GLI3: variants seen among roughly 807,000 people sequenced by gnomAD.
GLI3 encodes transcription activator GLI3.
A neutral mutation model predicts 100.8 loss-of-function variants in GLI3; 20 were observed. The observed-to-expected ratio is 0.20, with a 90% CI of 0.14 to 0.29. GLI3 has a LOEUF of 0.29. GLI3 is among the 10% of genes least tolerant of loss of function. GLI3 has a pLI of 1.00. For missense variants in GLI3, 2,040 were observed against 2,128.5 expected, an observed-to-expected ratio of 0.96 and a Z score of 0.82; for synonymous variants, 938 against 860.5, an observed-to-expected ratio of 1.09 and a Z score of -1.58.
chr7:42,256,305 CTT>C (rs375129522), intron 1 of GLI3, among the ~76,000 whole-genome samples: 100 of 146,646 alleles, frequency 6.8e-4, no homozygotes, highest in African/African-American at 2.4e-3. Flanking sequence ...AATTTATCAG[CTT>C]TTTTTTTTAA....
intron 4 of GLI3, among the ~76,000 whole-genome samples, chr7:42,055,070 C>CAT (rs1562706205): frequency 7.3e-6 from 1 of 136,632 alleles, no homozygotes; most frequent in Non-Finnish European, 1.5e-5. Flanking sequence ...TATATGTATA[C>CAT]ATATATATGT....
intron 2 of GLI3, among the ~76,000 whole-genome samples, chr7:42,182,723 C>CATATAAAT (rs1562776017): frequency 2.7e-5 from 3 of 112,128 alleles, no homozygotes; most frequent in East Asian, 3.4e-4. Context: ...TAAATACACA[C>CATATAAAT]ACACACACAC....
rs1455457526 is a variant in GLI3 at position 41,961,626 on chromosome 7, A to C, written c.*2704T>G. ...AATGTGTGAGCCTGCATGTTTTAGA[A>C]AAGGCAGGATGGTGACACTAGTGAG... On this transcript the variant is annotated 3_prime_UTR_variant, in exon 15 of 15. Coordinates refer to ENST00000395925, the MANE Select transcript of GLI3 (RefSeq NM_000168.6). 5 of 152,340 alleles carry C rather than the reference A, an allele frequency of 3.3e-5. No homozygotes were observed. Among genetic ancestry groups the C allele is most frequent in the Non-Finnish European group, 2.9e-5 (2 of 68,030 alleles). 9.4% of individuals were successfully genotyped at this position (152,340 alleles called of 1,614,324 possible).
At chr7:42,085,860 G>A (rs969219437) in intron 3 of GLI3, among the ~76,000 whole-genome samples, 1 of 152,170 alleles carries the variant, frequency 6.6e-6, no homozygotes, top group Non-Finnish European at 1.5e-5. Context: ...CAATCATAAA[G>A]AATCACTTCC....
chr7:42,028,356 CT>C (rs1789182932), intron 7 of GLI3, among the ~76,000 whole-genome samples: 1 of 152,098 alleles, frequency 6.6e-6, no homozygotes, highest in Non-Finnish European at 1.5e-5. Flanking sequence ...CATTTGGGGG[CT>C]TAAAAAATCA....
intron 2 of GLI3, among the ~76,000 whole-genome samples, chr7:42,187,027 T>C (rs113398523): frequency 6.8e-6 from 1 of 146,232 alleles, no homozygotes; most frequent in African/African-American, 2.6e-5. Context: ...CTGAGCTATA[T>C]AGTGAGAACC....
At chr7:42,126,978 C>G (rs846389) in intron 3 of GLI3, among the ~76,000 whole-genome samples, 35,163 of 152,142 alleles carry the variant, frequency 0.23, 4,355 homozygotes, top group Admixed American at 0.35. Flanking sequence ...ACAGCCAGCC[C>G]CTGAACCATC....
intron 2 of GLI3, among the ~76,000 whole-genome samples, chr7:42,222,000 A>G (rs1788495691): frequency 6.6e-6 from 1 of 152,210 alleles, no homozygotes; most frequent in Non-Finnish European, 1.5e-5. Context: ...TTCCCTACCC[A>G]GTACAGTCAG....
intron 3 of GLI3, among the ~76,000 whole-genome samples, chr7:42,099,452 T>C (rs970335602): frequency 6.6e-6 from 1 of 152,392 alleles, no homozygotes; most frequent in Non-Finnish European, 1.5e-5. Context: ...TAAACATATT[T>C]GTAATTTACT....
chr7:42,138,596 C>G (rs1410229398), intron 3 of GLI3, among the ~76,000 whole-genome samples: 1 of 152,060 alleles, frequency 6.6e-6, no homozygotes, highest in Non-Finnish European at 1.5e-5. Flanking sequence ...AAATTTCTTA[C>G]AAAGAGGAGA....
intron 1 of GLI3, among the ~76,000 whole-genome samples, chr7:42,236,399 C>G (rs533186994): frequency 6.6e-6 from 1 of 152,336 alleles, no homozygotes; most frequent in South Asian, 2.1e-4. Flanking sequence ...CACTTTTCCT[C>G]TATGACGACG....
intron 3 of GLI3, chr7:42,145,636 A>C: frequency 2.5e-6 from 1 of 397,976 alleles, no homozygotes. Flanking sequence ...AAAAAAAAAA[A>C]CAGTCTACAC....
chr7:42,241,345 T>C (rs1331842669), upstream of GLI3, among the ~76,000 whole-genome samples: 1 of 152,152 alleles, frequency 6.6e-6, no homozygotes. Context: ...TTGGCCAGGC[T>C]CACCTCTCTA....
intron 3 of GLI3, among the ~76,000 whole-genome samples, chr7:42,135,779 G>C (rs1786414136): frequency 6.6e-6 from 1 of 152,072 alleles, no homozygotes. Context: ...GTTTATCTGA[G>C]ACACCAAAGT....
chr7:42,131,412 A>C (rs1387764102), intron 3 of GLI3, among the ~76,000 whole-genome samples: 1 of 152,236 alleles, frequency 6.6e-6, no homozygotes, highest in Non-Finnish European at 1.5e-5. Flanking sequence ...TTAAAGAGTA[A>C]GTGTAGATAA....
chr7:42,165,073 T>C (rs1787212985), intron 2 of GLI3, among the ~76,000 whole-genome samples: 1 of 150,482 alleles, frequency 6.6e-6, no homozygotes, highest in South Asian at 2.1e-4. Context: ...TCAAGAGTTC[T>C]AGACCAGCCT....
At chr7:42,252,533 G>T (rs1189467194) in intron 1 of GLI3, among the ~76,000 whole-genome samples, 1 of 152,134 alleles carries the variant, frequency 6.6e-6, no homozygotes, top group Non-Finnish European at 1.5e-5. Flanking sequence ...TGCACAGAGG[G>T]ACTCCTCAAT....
intron 7 of GLI3, among the ~76,000 whole-genome samples, chr7:42,036,198 A>G (rs1305558932): frequency 6.6e-6 from 1 of 152,162 alleles, no homozygotes. Context: ...TTTATTTTCT[A>G]TTCACCCCTC....
chr7:41,998,348 G>A (rs1788190139), intron 10 of GLI3, among the ~76,000 whole-genome samples: 1 of 152,068 alleles, frequency 6.6e-6, no homozygotes, highest in Non-Finnish European at 1.5e-5. Flanking sequence ...CTTCTTATCT[G>A]AAGTGTCCAG....
Sources: gnomAD v4.1 joint callset for allele counts (sites outside exome capture counted in the v4.1 genomes callset) on GRCh38, gnomAD v4.1.1 for gene constraint, MANE v1.5 for transcripts, NCBI Gene and HGNC (gene_info 2026-07-23, HGNC 2026-07-21) for gene names.